PDE1A: variants seen among roughly 807,000 people sequenced by gnomAD.
PDE1A encodes dual specificity calcium/calmodulin-dependent 3',5'-cyclic nucleotide phosphodiesterase 1A.
A neutral mutation model predicts 61.7 loss-of-function variants in PDE1A; 35 were observed. That is an observed-to-expected ratio of 0.57 (90% CI 0.43 to 0.75). The LOEUF (loss-of-function observed/expected upper bound fraction) is 0.75, where lower values mean the gene tolerates loss of function less well. Ranked by LOEUF, PDE1A falls within the 30% of genes least tolerant of loss-of-function variation. The pLI, the probability that PDE1A is intolerant of heterozygous loss-of-function variation, is 0.00. For synonymous variants in PDE1A, 232 were observed against 213.2 expected (o/e 1.09, Z -0.77); for missense variants, 597 against 630.6 (o/e 0.95, Z 0.57).
At chr2:182,244,849 G>A (rs1690832810) in intron 2 of PDE1A, among the ~76,000 whole-genome samples, 1 of 152,170 alleles carries the variant, frequency 6.6e-6, no homozygotes, top group Non-Finnish European at 1.5e-5. Context: ...GTGAATCTGG[G>A]TATGAGTTCA....
intron 7 of PDE1A, among the ~76,000 whole-genome samples, chr2:182,220,530 G>T (rs1314852600): frequency 6.6e-6 from 1 of 152,024 alleles, no homozygotes; most frequent in Non-Finnish European, 1.5e-5. Flanking sequence ...AATGCAGCAT[G>T]GTCTAATGTT....
chr2:182,577,124 CT>C, the PDE1A span, among the ~76,000 whole-genome samples: 1 of 151,542 alleles, frequency 6.6e-6, no homozygotes, highest in African/African-American at 2.4e-5. Context: ...ACTTGATTTA[CT>C]TTTCATATTA....
At chr2:182,206,338 C>T (rs890749447) in intron 7 of PDE1A, among the ~76,000 whole-genome samples, 1 of 152,126 alleles carries the variant, frequency 6.6e-6, no homozygotes, top group Non-Finnish European at 1.5e-5. Context: ...CGTAACCTCC[C>T]CCATTGTCAA....
At chr2:182,532,550 G>T in the PDE1A span, among the ~76,000 whole-genome samples, 16 of 152,224 alleles carry the variant, frequency 1.1e-4, no homozygotes, top group South Asian at 1.5e-3. Context: ...ACTGTAAATG[G>T]ACATAAGGAT....
chr2:182,439,382 T>C (rs1010172995), intron 2 of PDE1A, among the ~76,000 whole-genome samples: 12 of 151,874 alleles, frequency 7.9e-5, no homozygotes, highest in African/African-American at 2.9e-4. Flanking sequence ...AGAGAGAACA[T>C]TTAGATTACA....
rs867997886 is a variant in PDE1A at position 182,212,868 on chromosome 2, T to C, written c.777-6803A>G. Among the ~76,000 whole-genome samples the C allele has an allele frequency of 3.3e-5, 5 of 152,194 alleles. No homozygotes were observed. In the East Asian group the frequency reaches 9.7e-4, roughly 30 times the overall value. On this transcript the variant is annotated intron_variant, in intron 7 of 13. Transcript: ENST00000351439. ...GGCGCCTGCCATTGCCCAGCCTTGATTAGGTAAACAAAGCAGCCGGGAAGC... is the reference window on the plus strand; with the variant it reads ...GGCGCCTGCCATTGCCCAGCCTTGACTAGGTAAACAAAGCAGCCGGGAAGC...
intron 1 of PDE1A, among the ~76,000 whole-genome samples, chr2:182,393,957 A>C (rs141906654): frequency 0.033 from 5,097 of 152,248 alleles, 147 homozygotes; most frequent in African/African-American, 0.076. Context: ...CCCACATCTT[A>C]CTGTCTTCTG....
intron 2 of PDE1A, among the ~76,000 whole-genome samples, chr2:182,509,364 A>T (rs1375366031): frequency 6.6e-6 from 1 of 152,206 alleles, no homozygotes; most frequent in African/African-American, 2.4e-5. Context: ...CCACATGATA[A>T]CTCCATTTGG....
chr2:182,457,225 T>C (rs1685985323), intron 2 of PDE1A, among the ~76,000 whole-genome samples: 1 of 152,060 alleles, frequency 6.6e-6, no homozygotes, highest in Non-Finnish European at 1.5e-5. Context: ...TGGATTCTTT[T>C]TGCAAAATTT....
At chr2:182,550,731 G>A in the PDE1A span, among the ~76,000 whole-genome samples, 1 of 152,120 alleles carries the variant, frequency 6.6e-6, no homozygotes, top group Non-Finnish European at 1.5e-5. Flanking sequence ...ATCAATGAGT[G>A]TGTTTGGTGG....
At chr2:182,247,498 A>G (rs1183409300) in intron 2 of PDE1A, among the ~76,000 whole-genome samples, 2 of 152,164 alleles carry the variant, frequency 1.3e-5, no homozygotes, top group Admixed American at 6.5e-5. Context: ...AAACCTAAAG[A>G]CATATTTCTC....
the PDE1A span, among the ~76,000 whole-genome samples, chr2:182,706,182 C>T: frequency 1.1e-3 from 160 of 152,158 alleles, no homozygotes; most frequent in Non-Finnish European, 1.4e-3. Flanking sequence ...GTCTTTAAGC[C>T]TCAAAGAGCC....
chr2:182,609,578 C>T, the PDE1A span, among the ~76,000 whole-genome samples: 1 of 152,212 alleles, frequency 6.6e-6, no homozygotes, highest in South Asian at 2.1e-4. Flanking sequence ...GTCTTAAGAG[C>T]TGTAACACTC....
intron 1 of PDE1A, chr2:182,314,598 G>A (rs1019761944): frequency 6.6e-6 from 1 of 152,108 alleles, no homozygotes; most frequent in African/African-American, 2.4e-5. Flanking sequence ...CCGACAAAAA[G>A]AATGTCATTT....
At chr2:182,273,443 G>T (rs1693178086) in intron 1 of PDE1A, among the ~76,000 whole-genome samples, 1 of 150,150 alleles carries the variant, frequency 6.7e-6, no homozygotes, top group Non-Finnish European at 1.5e-5. Context: ...GCTAAGCCAA[G>T]GATAAAAAAA....
chr2:182,530,176 A>G, the PDE1A span, among the ~76,000 whole-genome samples: 1 of 152,330 alleles, frequency 6.6e-6, no homozygotes, highest in African/African-American at 2.4e-5. Flanking sequence ...CAGAAAGCAG[A>G]CAAAATATAT....
chr2:182,449,450 G>C (rs1382096325), intron 2 of PDE1A, among the ~76,000 whole-genome samples: 1 of 151,906 alleles, frequency 6.6e-6, no homozygotes, highest in Non-Finnish European at 1.5e-5. Flanking sequence ...AAAATGAGCA[G>C]AGGCTATAAG....
intron 1 of PDE1A, among the ~76,000 whole-genome samples, chr2:182,383,576 A>T (rs1700855600): frequency 6.6e-6 from 1 of 152,230 alleles, no homozygotes. Flanking sequence ...GCAAGAAAAT[A>T]TGCCGACTGG....
the PDE1A span, among the ~76,000 whole-genome samples, chr2:182,532,910 C>A: frequency 8.0e-6 from 1 of 125,694 alleles, no homozygotes; most frequent in South Asian, 2.5e-4. Flanking sequence ...CACGCCACTG[C>A]ACTCCAGCCT....
Sources: gnomAD v4.1 joint callset for allele counts (sites outside exome capture counted in the v4.1 genomes callset) on GRCh38, gnomAD v4.1.1 for gene constraint, MANE v1.5 for transcripts, NCBI Gene and HGNC (gene_info 2026-07-23, HGNC 2026-07-21) for gene names.